Variants in LRP1B observed in about 807,000 individuals in gnomAD.
LRP1B encodes low-density lipoprotein receptor-related protein 1B.
Under a neutral mutation model 556.6 loss-of-function variants are expected in LRP1B, and 217 were observed. The ratio of observed to expected loss-of-function variants is 0.39; its 90% CI spans 0.35 to 0.44. The LOEUF (loss-of-function observed/expected upper bound fraction) is 0.44. LRP1B is among the 20% of genes least tolerant of loss of function. The pLI, the probability that LRP1B is intolerant of heterozygous loss-of-function variation, is 1.00. For synonymous variants in LRP1B, 2,047 were observed against 1,865.8 expected (o/e 1.10, Z -2.50); for missense variants, 5,053 against 5,620.8 (o/e 0.90, Z 3.23).
chr2:140,906,064 T>G (rs988108923), intron 22 of LRP1B, among the ~76,000 whole-genome samples: 2 of 152,166 alleles, frequency 1.3e-5, no homozygotes, highest in Non-Finnish European at 2.9e-5. Context: ...TTGGCCAGTA[T>G]TTGCTTTCTG....
At chr2:141,584,760 C>T (rs532556265) in intron 2 of LRP1B, among the ~76,000 whole-genome samples, 128 of 152,144 alleles carry the variant, frequency 8.4e-4, no homozygotes, top group Admixed American at 4.1e-3. Flanking sequence ...CTCTTGAGGA[C>T]GTTATGTTAA....
At chr2:140,236,869 C>A (rs1040003765) in intron 89 of LRP1B, among the ~76,000 whole-genome samples, 1 of 150,770 alleles carries the variant, frequency 6.6e-6, no homozygotes, top group African/African-American at 2.4e-5. Context: ...TTGCTAATAC[C>A]TCAACACATT....
intron 9 of LRP1B, among the ~76,000 whole-genome samples, chr2:141,057,755 G>T (rs1274008754): frequency 6.6e-6 from 1 of 151,752 alleles, no homozygotes; most frequent in Non-Finnish European, 1.5e-5. Flanking sequence ...TTTGTAAATT[G>T]CCCAGTCTTG....
intron 43 of LRP1B, among the ~76,000 whole-genome samples, chr2:140,568,487 A>G (rs983341951): frequency 2.0e-5 from 3 of 152,034 alleles, no homozygotes; most frequent in Non-Finnish European, 4.4e-5. Context: ...GAACTATGAG[A>G]CACCATTAAA....
At chr2:140,713,046 C>T (rs185216611) in intron 37 of LRP1B, among the ~76,000 whole-genome samples, 33 of 152,004 alleles carry the variant, frequency 2.2e-4, no homozygotes, top group African/African-American at 7.2e-4. Flanking sequence ...TCTTGGGTAA[C>T]CTCGTACACT....
chr2:140,337,144 C>T (rs970043235), intron 77 of LRP1B, among the ~76,000 whole-genome samples: 2 of 151,852 alleles, frequency 1.3e-5, no homozygotes, highest in Non-Finnish European at 2.9e-5. Flanking sequence ...TTGCAAATCA[C>T]TGTCTGCCGC....
chr2:141,951,711 T>C (rs2105034772), intron 1 of LRP1B, among the ~76,000 whole-genome samples: 1 of 152,228 alleles, frequency 6.6e-6, no homozygotes, highest in Non-Finnish European at 1.5e-5. Context: ...ATTTCATATA[T>C]AGACAATTGG....
At chr2:140,969,892 T>C (rs1696359366) in intron 18 of LRP1B, among the ~76,000 whole-genome samples, 1 of 152,234 alleles carries the variant, frequency 6.6e-6, no homozygotes, top group Admixed American at 6.5e-5. Context: ...AGAGATCAGC[T>C]GTTAGTCTGA....
chr2:141,818,726 C>T (rs553532358), intron 1 of LRP1B, among the ~76,000 whole-genome samples: 9 of 150,730 alleles, frequency 6.0e-5, no homozygotes, highest in Admixed American at 3.3e-4. Context: ...TTAGTAGAGA[C>T]GGGGTTTCAC....
intron 20 of LRP1B, among the ~76,000 whole-genome samples, chr2:140,929,204 A>T (rs1694976152): frequency 6.6e-6 from 1 of 152,118 alleles, no homozygotes; most frequent in Non-Finnish European, 1.5e-5. Context: ...CAGAATAGTG[A>T]TTATTCAAAT....
intron 2 of LRP1B, among the ~76,000 whole-genome samples, chr2:141,647,050 C>T (rs575119124): frequency 3.9e-5 from 6 of 152,046 alleles, no homozygotes; most frequent in South Asian, 2.1e-4. Flanking sequence ...GGGGTTATGG[C>T]GGTCAGGTAA....
Position 141,605,124 on chromosome 2 carries a change from A to T in LRP1B, c.206-124591T>A, listed in dbSNP as rs371147736. The stretch of plus-strand genomic sequence containing the variant: ...CCTGCGTCACTATGGAGCACATTCG[A>T]TTTGCTATATATATTTGTGCAAATT... On this transcript the variant is annotated intron_variant, in intron 2 of 90. Transcript: ENST00000389484. Among the ~76,000 whole-genome samples, 26 of 152,056 alleles carry T rather than the reference A, an allele frequency of 1.7e-4. No homozygotes were observed. The East Asian group carries it at 1.8e-3, about 10-fold the overall frequency.
chr2:140,451,985 C>T (rs1686904759), intron 62 of LRP1B, among the ~76,000 whole-genome samples: 1 of 151,966 alleles, frequency 6.6e-6, no homozygotes, highest in African/African-American at 2.4e-5. Flanking sequence ...TTAACTCCTC[C>T]CTTTAAAAAT....
intron 3 of LRP1B, among the ~76,000 whole-genome samples, chr2:141,359,371 T>G (rs1472223144): frequency 1.3e-5 from 2 of 150,884 alleles, no homozygotes; most frequent in Middle Eastern, 7.0e-3. Flanking sequence ...AATGAGAAAG[T>G]ACATACAGGA....
chr2:142,031,963 A>G (rs1374224420), intron 1 of LRP1B, among the ~76,000 whole-genome samples: 2 of 151,886 alleles, frequency 1.3e-5, no homozygotes, highest in Non-Finnish European at 2.9e-5. Flanking sequence ...TGCTACTACA[A>G]GACAAGGAAC....
chr2:141,034,588 C>CA (rs1698474618), intron 11 of LRP1B, among the ~76,000 whole-genome samples: 1 of 151,808 alleles, frequency 6.6e-6, no homozygotes, highest in East Asian at 1.9e-4. Flanking sequence ...TTTATGCAGC[C>CA]AAAAAACACA....
At chr2:141,203,892 C>A (rs1366520337) in intron 6 of LRP1B, among the ~76,000 whole-genome samples, 1 of 152,146 alleles carries the variant, frequency 6.6e-6, no homozygotes, top group African/African-American at 2.4e-5. Flanking sequence ...CAAAACCACA[C>A]AACTACATGG....
At chr2:141,505,655 G>C (rs1253653346) in intron 2 of LRP1B, among the ~76,000 whole-genome samples, 2 of 151,922 alleles carry the variant, frequency 1.3e-5, no homozygotes, top group Non-Finnish European at 2.9e-5. Context: ...TAGTTACCTA[G>C]TTATAAAGTA....
chr2:141,902,601 A>T (rs1370474603), intron 1 of LRP1B, among the ~76,000 whole-genome samples: 3 of 151,934 alleles, frequency 2.0e-5, no homozygotes, highest in Non-Finnish European at 4.4e-5. Context: ...CTTGCTTCAT[A>T]CCTACTGTCT....
Sources: gnomAD v4.1 joint callset for allele counts (sites outside exome capture counted in the v4.1 genomes callset) on GRCh38, gnomAD v4.1.1 for gene constraint, MANE v1.5 for transcripts, NCBI Gene and HGNC (gene_info 2026-07-23, HGNC 2026-07-21) for gene names.